The following SCD5 variants were observed in gnomAD, a reference collection of about 807,000 sequenced individuals.
SCD5 encodes acyl-CoA-desaturase 4.
A neutral mutation model predicts 30.4 loss-of-function variants in SCD5; 20 were observed. The ratio of observed to expected loss-of-function variants is 0.66; its 90% CI spans 0.46 to 0.96. The LOEUF (loss-of-function observed/expected upper bound fraction) is 0.96, where lower values mean the gene tolerates loss of function less well. Among genes scored for constraint, SCD5 ranks in the 40% least tolerant of loss-of-function variants. The pLI is 0.00. For missense variants in SCD5, 381 were observed against 443.3 expected (o/e 0.86, Z 1.26); for synonymous variants, 173 against 176.4 (o/e 0.98, Z 0.16).
At chr4:82,775,448 T>C (rs1721724717) in intron 1 of SCD5, 1 of 152,226 alleles carries the variant, frequency 6.6e-6, no homozygotes, top group South Asian at 2.1e-4. Flanking sequence ...GGGGCTCAAG[T>C]CCTCACTTCC....
chr4:82,795,185 C>T (rs1722186655), intron 1 of SCD5, among the ~76,000 whole-genome samples: 1 of 152,250 alleles, frequency 6.6e-6, no homozygotes, highest in African/African-American at 2.4e-5. Context: ...CAACACATCC[C>T]CTGCTGGGTG....
At chr4:82,754,154 G>A (rs59525341) in intron 1 of SCD5, among the ~76,000 whole-genome samples, 17 of 152,142 alleles carry the variant, frequency 1.1e-4, no homozygotes, top group African/African-American at 3.4e-4. Context: ...TTATCTCCCC[G>A]TTTTGCAGGA....
rs190927888 is a variant in SCD5, at chr4:82,730,805, C to G, written c.233-25392G>C. On this transcript the variant is annotated intron_variant, in intron 1 of 4. Coordinates refer to ENST00000319540, the MANE Select transcript of SCD5 (RefSeq NM_001037582.3). ...TTCACCATGTTAGCCAAGATGGTCT[C>G]GGTCTCCTGACCTCGTAATCCGCTT... Among the ~76,000 whole-genome samples, 60 of 151,944 alleles carry G rather than the reference C, an allele frequency of 3.9e-4. 1 individual carries two copies. The East Asian group carries it at 9.9e-3, about 25-fold the overall frequency.
intron 3 of SCD5, among the ~76,000 whole-genome samples, chr4:82,648,555 G>A (rs1317366): frequency 0.9 from 137,381 of 152,208 alleles, 62,083 homozygotes; most frequent in East Asian, 1. Context: ...CAAGAGGGTC[G>A]ATTGAGGTAG....
chr4:82,787,110 G>A lies in SCD5; in HGVS notation c.232+11196C>T, dbSNP rs1722004981. On this transcript the variant is annotated intron_variant, in intron 1 of 4. Transcript: ENST00000319540. ...CTGCTGTGTGAGGTTAAGTGAGGAT[G>A]CACTGGCCTTATAAATGCTCCCTTT... Among the ~76,000 whole-genome samples, 3 of 152,208 alleles carry A rather than the reference G, an allele frequency of 2.0e-5. No homozygotes were observed. The South Asian group carries it at 6.2e-4, about 31-fold the overall frequency.
intron 1 of SCD5, among the ~76,000 whole-genome samples, chr4:82,722,671 A>G (rs1720393474): frequency 6.6e-6 from 1 of 151,970 alleles, no homozygotes; most frequent in South Asian, 2.1e-4. Flanking sequence ...GAGCTGAGGC[A>G]AGAGAATCAC....
At chr4:82,662,881 CAT>C (rs1168128724) in intron 3 of SCD5, among the ~76,000 whole-genome samples, 9 of 145,874 alleles carry the variant, frequency 6.2e-5, no homozygotes, top group Admixed American at 6.2e-4. Context: ...AAAAAACACA[CAT>C]GGTAGAAATC....
In SCD5 at chr4:82,754,882, G is replaced by A. The variant is rs753892083; in HGVS notation, c.232+43424C>T. Among the ~76,000 whole-genome samples, 98 of 152,278 alleles carry A rather than the reference G, an allele frequency of 6.4e-4. 1 individual carries two copies. The highest frequency in any genetic ancestry group is 9.8e-4 in the Non-Finnish European group (67 of 68,034). On this transcript the variant is annotated intron_variant, in intron 1 of 4. Transcript: ENST00000319540. ...GACAAGCCTCGAAGGCCAGGGCACAGAGCTGAGCCTCAGGAGTCTGAGGCT... is the reference window on the plus strand; with the variant it reads ...GACAAGCCTCGAAGGCCAGGGCACAAAGCTGAGCCTCAGGAGTCTGAGGCT...
chr4:82,661,647 G>C (rs902547515), intron 3 of SCD5, among the ~76,000 whole-genome samples: 1 of 152,188 alleles, frequency 6.6e-6, no homozygotes, highest in African/African-American at 2.4e-5. Context: ...CTTGCCTTAA[G>C]TACATGCATT....
intron 3 of SCD5, among the ~76,000 whole-genome samples, chr4:82,673,518 T>C (rs536866161): frequency 2.0e-5 from 3 of 152,260 alleles, no homozygotes; most frequent in Non-Finnish European, 2.9e-5. Flanking sequence ...AAGAACTAAA[T>C]AGATGAAGAG....
At chr4:82,635,616 T>C (rs1235942730) in intron 4 of SCD5, among the ~76,000 whole-genome samples, 3 of 51,746 alleles carry the variant, frequency 5.8e-5, no homozygotes, top group Non-Finnish European at 1.1e-4. Context: ...CGAGACTCCG[T>C]CTTAAAAAAA....
chr4:82,698,731 T>G (rs1188260189), intron 2 of SCD5, among the ~76,000 whole-genome samples: 3 of 152,180 alleles, frequency 2.0e-5, no homozygotes, highest in African/African-American at 7.2e-5. Flanking sequence ...TGGATGCTCT[T>G]CCTCTACCCT....
intron 1 of SCD5, among the ~76,000 whole-genome samples, chr4:82,739,279 C>T (rs889304420): frequency 2.0e-5 from 3 of 152,166 alleles, no homozygotes; most frequent in East Asian, 1.9e-4. Flanking sequence ...GAGGTCCTGG[C>T]CTGGAAGTGG....
chr4:82,778,070 A>T (rs1476353069), intron 1 of SCD5, among the ~76,000 whole-genome samples: 1 of 152,184 alleles, frequency 6.6e-6, no homozygotes, highest in African/African-American at 2.4e-5. Flanking sequence ...CTTTACAGGG[A>T]CATGGATGAA....
chr4:82,726,992 C>T (rs1025501890), intron 1 of SCD5, among the ~76,000 whole-genome samples: 2 of 152,198 alleles, frequency 1.3e-5, no homozygotes, highest in Non-Finnish European at 2.9e-5. Flanking sequence ...GGGGCTGTTC[C>T]AGCTCTAATG....
intron 1 of SCD5, among the ~76,000 whole-genome samples, chr4:82,783,833 TA>T (rs988936301): frequency 1.3e-5 from 2 of 150,960 alleles, no homozygotes; most frequent in Non-Finnish European, 3.0e-5. Flanking sequence ...AAATTAAAAT[TA>T]AAAAAAAGAA....
rs1223543852 is a variant in SCD5 at position 82,754,508 on chromosome 4, T to TC, written c.232+43797dup. ...AGAGGGAGAGGGACTCCTTCCAGGC[T>TC]CCCCCCAGGACCCACCCTCCCCTCA... is the stretch of plus-strand genomic sequence containing the variant. On this transcript the variant is annotated intron_variant, in intron 1 of 4. Transcript: ENST00000319540. Among the ~76,000 whole-genome samples the TC allele has an allele frequency of 2.2e-4, 33 of 151,548 alleles. No individual in the cohort carries two copies. The Middle Eastern group carries it at 0.01, about 47-fold the overall frequency.
At chr4:82,705,049 G>C (rs1719938942) in intron 2 of SCD5, among the ~76,000 whole-genome samples, 1 of 152,256 alleles carries the variant, frequency 6.6e-6, no homozygotes. Context: ...GGATAGAGGA[G>C]TCTCCTTTCC....
At chr4:82,700,827 A>G (rs1463855141) in intron 2 of SCD5, among the ~76,000 whole-genome samples, 6 of 128,512 alleles carry the variant, frequency 4.7e-5, no homozygotes, top group Admixed American at 8.6e-5. Flanking sequence ...AAAAAAAAAG[A>G]CATTCTCAGA....
Sources: allele counts gnomAD v4.1 joint callset (sites outside exome capture counted in the v4.1 genomes callset), GRCh38; gene constraint gnomAD v4.1.1; transcripts MANE v1.5; gene names NCBI Gene and HGNC (gene_info 2026-07-23, HGNC 2026-07-21).